RCAN2: variants seen among roughly 807,000 people sequenced by gnomAD.
The protein encoded by RCAN2 is regulator of calcineurin 2, also known as calcipressin-2.
Under a neutral mutation model 23.6 loss-of-function variants are expected in RCAN2, and 9 were observed. The observed-to-expected ratio is 0.38, with a 90% CI of 0.23 to 0.67. The LOEUF (loss-of-function observed/expected upper bound fraction) is 0.67, where lower values mean the gene tolerates loss of function less well. Among genes scored for constraint, RCAN2 ranks in the 30% least tolerant of loss-of-function variants. The pLI, the probability that RCAN2 is intolerant of heterozygous loss-of-function variation, is 0.51. For missense variants in RCAN2, 273 were observed against 302.3 expected (o/e 0.90, Z 0.72); for synonymous variants, 109 against 115.7 (o/e 0.94, Z 0.37).
chr6:46,482,194 C>T (rs1371213950), intron 1 of RCAN2, among the ~76,000 whole-genome samples: 1 of 151,878 alleles, frequency 6.6e-6, no homozygotes, highest in Non-Finnish European at 1.5e-5. Context: ...ATCAACTGAC[C>T]TCAAATTACT....
At chr6:46,340,549 G>A (rs1228792561) in intron 2 of RCAN2, among the ~76,000 whole-genome samples, 2 of 152,176 alleles carry the variant, frequency 1.3e-5, no homozygotes, top group Non-Finnish European at 2.9e-5. Flanking sequence ...GACCTTGGGA[G>A]CGAAGTGTTG....
At chr6:46,443,057 GAGT>G (rs1767600110) in intron 2 of RCAN2, among the ~76,000 whole-genome samples, 1 of 152,152 alleles carries the variant, frequency 6.6e-6, no homozygotes, top group African/African-American at 2.4e-5. Context: ...TTAACCTCCA[GAGT>G]ACAATGATAT....
intron 2 of RCAN2, among the ~76,000 whole-genome samples, chr6:46,297,236 C>T (rs1208764935): frequency 6.6e-6 from 1 of 152,086 alleles, no homozygotes; most frequent in Non-Finnish European, 1.5e-5. Context: ...AAAGGAGGCT[C>T]TACAGACACT....
chr6:46,404,818 T>C (rs959627508), intron 2 of RCAN2, among the ~76,000 whole-genome samples: 6 of 152,184 alleles, frequency 3.9e-5, no homozygotes, highest in African/African-American at 1.4e-4. Context: ...AGTTTCCCCA[T>C]GGAAATCTAT....
chr6:46,408,625 G>A (rs989110975), intron 2 of RCAN2, among the ~76,000 whole-genome samples: 1 of 152,128 alleles, frequency 6.6e-6, no homozygotes, highest in African/African-American at 2.4e-5. Context: ...GAGCAAAGCT[G>A]CCAGCCCACA....
chr6:46,432,366 A>G (rs1271038535), intron 2 of RCAN2, among the ~76,000 whole-genome samples: 4 of 151,982 alleles, frequency 2.6e-5, no homozygotes, highest in African/African-American at 9.7e-5. Context: ...GGCATGTGCC[A>G]CCATGCCTGG....
intron 2 of RCAN2, among the ~76,000 whole-genome samples, chr6:46,285,768 CAATTTT>C (rs765435186): frequency 6.6e-6 from 1 of 151,508 alleles, no homozygotes; most frequent in African/African-American, 2.4e-5. Flanking sequence ...AATCTTTTTT[CAATTTT>C]AATTTTAAGT....
chr6:46,353,041 G>A (rs1177278379), intron 2 of RCAN2, among the ~76,000 whole-genome samples: 1 of 152,204 alleles, frequency 6.6e-6, no homozygotes, highest in Non-Finnish European at 1.5e-5. Context: ...TATTGGGTTA[G>A]TTAGCTGAGT....
chr6:46,487,255 G>A (rs1769020201), intron 1 of RCAN2, among the ~76,000 whole-genome samples: 1 of 152,170 alleles, frequency 6.6e-6, no homozygotes, highest in Non-Finnish European at 1.5e-5. Flanking sequence ...GAATGTTGAC[G>A]CTTCTTTATC....
At position 46,445,588 on chromosome 6, in the gene RCAN2, C is replaced by A. The variant is rs185769062; in HGVS notation, c.225+11164G>T. On this transcript the variant is annotated intron_variant, in intron 2 of 4. Coordinates refer to ENST00000371374, the MANE Select transcript of RCAN2 (RefSeq NM_001251974.2). Reference sequence around the variant, plus strand: ...GAATAAAATAAAGCACCAATAACCACCCTCAAAATAAAGATTTGTAAGCTG... The same window carrying A: ...GAATAAAATAAAGCACCAATAACCAACCTCAAAATAAAGATTTGTAAGCTG... 4.1e-4 allele frequency among the ~76,000 whole-genome samples: 63 copies of A among 152,228 alleles called. 1 individual carries two copies. The highest frequency in any genetic ancestry group is 1.4e-3 in the African/African-American group (60 of 41,534).
At chr6:46,335,758 T>C (rs1224374951) in intron 2 of RCAN2, among the ~76,000 whole-genome samples, 1 of 152,202 alleles carries the variant, frequency 6.6e-6, no homozygotes, top group East Asian at 1.9e-4. Context: ...GCCACCTGCT[T>C]AGAAAATCTG....
At chr6:46,238,799 C>G (rs1766196671) in intron 4 of RCAN2, among the ~76,000 whole-genome samples, 1 of 152,216 alleles carries the variant, frequency 6.6e-6, no homozygotes, top group Non-Finnish European at 1.5e-5. Flanking sequence ...ACTGATCCTC[C>G]TGCCTTAGCC....
intron 4 of RCAN2, among the ~76,000 whole-genome samples, chr6:46,235,686 C>T (rs1766065874): frequency 5.3e-5 from 8 of 152,120 alleles, no homozygotes; most frequent in Admixed American, 5.2e-4. Flanking sequence ...CTTGAATTTT[C>T]TCTCTCTTTC....
intron 4 of RCAN2, among the ~76,000 whole-genome samples, chr6:46,243,809 C>CAAAAAAAAAA (rs376524527): frequency 1.8e-5 from 1 of 55,026 alleles, no homozygotes; most frequent in Non-Finnish European, 3.0e-5. Flanking sequence ...GATTCTGTCT[C>CAAAAAAAAAA]AAAAAAAAAA....
At chr6:46,301,331 G>A (rs1316408205) in intron 2 of RCAN2, among the ~76,000 whole-genome samples, 1 of 152,028 alleles carries the variant, frequency 6.6e-6, no homozygotes, top group Non-Finnish European at 1.5e-5. Context: ...TGTAAGGACT[G>A]CAAAGATACA....
chr6:46,457,917 T>A (rs1035783619), intron 1 of RCAN2, among the ~76,000 whole-genome samples: 1 of 152,198 alleles, frequency 6.6e-6, no homozygotes, highest in Admixed American at 6.5e-5. Context: ...TTTTTGATAC[T>A]GGTACATAAT....
At chr6:46,224,534 T>C (rs1685670864) in intron 4 of RCAN2, among the ~76,000 whole-genome samples, 1 of 152,298 alleles carries the variant, frequency 6.6e-6, no homozygotes, top group Middle Eastern at 3.4e-3. Flanking sequence ...AGCTACATTC[T>C]TAGGGCCACC....
intron 4 of RCAN2, among the ~76,000 whole-genome samples, chr6:46,223,900 G>C (rs9395167): frequency 6.6e-6 from 1 of 152,096 alleles, no homozygotes; most frequent in African/African-American, 2.4e-5. Flanking sequence ...TCAAATGGCT[G>C]TTAGCTGACT....
intron 2 of RCAN2, among the ~76,000 whole-genome samples, chr6:46,278,614 T>C (rs1052908633): frequency 6.6e-6 from 1 of 152,202 alleles, no homozygotes; most frequent in African/African-American, 2.4e-5. Context: ...TAGTGTTCCT[T>C]TATAACACAA....
Sources: gnomAD v4.1 joint callset for allele counts (sites outside exome capture counted in the v4.1 genomes callset) on GRCh38, gnomAD v4.1.1 for gene constraint, MANE v1.5 for transcripts, NCBI Gene and HGNC (gene_info 2026-07-23, HGNC 2026-07-21) for gene names.